RWDD4: variants seen among roughly 807,000 people sequenced by gnomAD.
RWDD4 encodes the protein RWD domain-containing protein 4.
In RWDD4, 16 loss-of-function variants were observed where a neutral mutation model predicts 30.0. The observed-to-expected ratio is 0.53, with a 90% confidence interval of 0.36 to 0.81. The LOEUF (loss-of-function observed/expected upper bound fraction) is 0.81. Among genes scored for constraint, RWDD4 ranks in the 30% least tolerant of loss-of-function variants. RWDD4 has a pLI of 0.00. For missense variants in RWDD4, 170 were observed against 223.9 expected (o/e 0.76, Z 1.54); for synonymous variants, 45 against 72.1 (o/e 0.62, Z 1.90).
At chr4:183,652,411 G>A (rs6839537) in intron 2 of RWDD4, among the ~76,000 whole-genome samples, 47,640 of 144,738 alleles carry the variant, frequency 0.33, 8,226 homozygotes, top group African/African-American at 0.42. Context: ...CCCAGGCTGG[G>A]GTCCAGCTGA....
intron 7 of RWDD4, among the ~76,000 whole-genome samples, chr4:183,645,111 C>T (rs569841408): frequency 6.6e-6 from 1 of 152,106 alleles, no homozygotes; most frequent in African/African-American, 2.4e-5. Flanking sequence ...AAAAACAAAA[C>T]AACAACAAAA....
At chr4:183,646,606 A>G in intron 5 of RWDD4, 69 bp from the exon 6 acceptor site, 1 of 1,356,078 alleles carries the variant, frequency 7.4e-7, no homozygotes, top group South Asian at 1.3e-5. Flanking sequence ...TTAAGATTTT[A>G]TATACTACTG....
chr4:183,646,597 T>A (rs955993940), intron 5 of RWDD4, 60 bp from the exon 6 acceptor site: 3 of 1,419,928 alleles, frequency 2.1e-6, no homozygotes, highest in Admixed American at 3.9e-5. Flanking sequence ...TTATAATAAT[T>A]AAGATTTTAT....
chr4:183,642,312 C>A (rs1228874320), intron 7 of RWDD4, among the ~76,000 whole-genome samples: 1 of 126,888 alleles, frequency 7.9e-6, no homozygotes, highest in South Asian at 2.5e-4. Flanking sequence ...GCCTCAGCCT[C>A]CCAAGTAGCT....
At chr4:183,645,310 A>G (rs1160985712) in intron 7 of RWDD4, among the ~76,000 whole-genome samples, 2 of 152,246 alleles carry the variant, frequency 1.3e-5, no homozygotes, top group East Asian at 1.9e-4. Context: ...TTAATTTACT[A>G]TGTTAAATAT....
At chr4:183,658,867 C>G (rs1734289888) in intron 1 of RWDD4, 62 bp downstream of exon 1, 1 of 1,219,910 alleles carries the variant, frequency 8.2e-7, no homozygotes, top group African/African-American at 1.6e-5. Context: ...CCAGGTCTCA[C>G]GGGGGCCCGG....
intron 7 of RWDD4, among the ~76,000 whole-genome samples, chr4:183,642,924 TG>T (rs1733888593): frequency 6.6e-6 from 1 of 150,382 alleles, no homozygotes. Flanking sequence ...CCGGGCATGG[TG>T]GTGGGTGCCT....
chr4:183,652,451 G>A (rs551280860), intron 2 of RWDD4, among the ~76,000 whole-genome samples: 16 of 149,532 alleles, frequency 1.1e-4, no homozygotes, highest in Non-Finnish European at 2.1e-4. Flanking sequence ...AGCTGAGATC[G>A]TGCCATTGCA....
Position 183,649,447 on chromosome 4 carries a change from A to G in RWDD4, c.481+4T>C. ...AAAAGAAAAGAAAAGAAACACACAC[A>G]AACCTGTTTTGTCTGCCAGCTTACG... On this transcript the variant is annotated splice_donor_region_variant and intron_variant, in intron 5 of 7. Coordinates refer to ENST00000326397, the MANE Select transcript of RWDD4 (RefSeq NM_152682.4). 6.4e-7 allele frequency: 1 copy of G among 1,569,924 alleles called. No homozygotes were observed. Among genetic ancestry groups the G allele is most frequent in the Non-Finnish European group, 8.7e-7 (1 of 1,148,094 alleles).
chr4:183,658,984 C>G lies in RWDD4; in HGVS notation c.-32G>C. 1.6e-6 allele frequency: 2 copies of G among 1,266,768 alleles called. No individual in the cohort carries two copies. Among genetic ancestry groups the G allele is most frequent in the Non-Finnish European group, 2.0e-6 (2 of 1,006,900 alleles). The allele number at this position is 1,266,768 out of a possible 1,614,324, so 78.5% of individuals were successfully genotyped here. ...GGTCGCGGGGCGCCTCCTGAGCGGA[C>G]GGCGTTCGCAACAACGAAGAGAAAG... On this transcript the variant is annotated 5_prime_UTR_variant, in exon 1 of 8. Coordinates refer to ENST00000326397, the MANE Select transcript of RWDD4 (RefSeq NM_152682.4).
rs895216293 is a variant in RWDD4 at position 183,659,097 on chromosome 4, G to A, written c.-145C>T. ...GTCTTGGCACTGGCAGACGCCAACT[G>A]CGCGCGCCCCGAGCCTCGGCAGCGC... On this transcript the variant is annotated 5_prime_UTR_variant, in exon 1 of 8. Transcript: ENST00000326397. The A allele has an allele frequency of 6.9e-6, 4 of 575,838 alleles. No individual in the cohort carries two copies. In the African/African-American group the frequency reaches 7.7e-5, roughly 11 times the overall value. 35.7% of individuals were successfully genotyped at this position (575,838 alleles called of 1,614,324 possible). A position where few individuals can be genotyped will look rare whatever the true frequency, so the allele number is the denominator to read the frequency against.
chr4:183,655,989 T>C, intron 1 of RWDD4, 28 bp from the exon 2 acceptor site: 1 of 1,447,650 alleles, frequency 6.9e-7, no homozygotes, highest in Non-Finnish European at 9.7e-7. Flanking sequence ...ATGAGTTTTG[T>C]TTAGTGGTAT....
chr4:183,641,416 C>G lies in RWDD4; in HGVS notation c.*20G>C. The G allele has an allele frequency of 6.3e-7, 1 of 1,589,306 alleles. No individual in the cohort carries two copies. The highest frequency in any genetic ancestry group is 1.1e-5 in the South Asian group (1 of 89,580). On this transcript the variant is annotated 3_prime_UTR_variant, in exon 8 of 8. Coordinates refer to ENST00000326397, the MANE Select transcript of RWDD4 (RefSeq NM_152682.4). ...TTTACTCTTTAAAGAATGCTCTTTC[C>G]TTGTCTCAAATTCCAAGTGCTACTC... is the stretch of plus-strand genomic sequence containing the variant.
At chr4:183,652,682 C>T (rs1047729479) in intron 2 of RWDD4, among the ~76,000 whole-genome samples, 2 of 151,692 alleles carry the variant, frequency 1.3e-5, no homozygotes, top group Non-Finnish European at 2.9e-5. Context: ...TGGTGGCATG[C>T]GCCTGTAGTC....
In RWDD4 at chr4:183,646,545, A is replaced by AT. The variant is rs1431123938; in HGVS notation, c.482-9dup. On this transcript the variant is annotated splice_polypyrimidine_tract_variant and intron_variant, in intron 5 of 7. Coordinates refer to ENST00000326397, the MANE Select transcript of RWDD4 (RefSeq NM_152682.4). Reference sequence around the variant, plus strand: ...GAAGTTCTCCTTTGTGATCTAGAAGATAAAAAATAGTAACTTTATTTCTAA... The same window carrying AT: ...GAAGTTCTCCTTTGTGATCTAGAAGATTAAAAAATAGTAACTTTATTTCTAA... The AT allele has an allele frequency of 6.2e-7, 1 of 1,607,462 alleles. No homozygotes were observed. The highest frequency in any genetic ancestry group is 8.5e-7 in the Non-Finnish European group (1 of 1,178,320).
At chr4:183,652,601 A>G (rs1252924343) in intron 2 of RWDD4, among the ~76,000 whole-genome samples, 1 of 152,058 alleles carries the variant, frequency 6.6e-6, no homozygotes, top group East Asian at 1.9e-4. Context: ...CATGAGGTCA[A>G]GAGATCGAGA....
At chr4:183,641,607 T>G (rs1188389024) in intron 7 of RWDD4, 139 bp from the exon 8 acceptor site, 1 of 688,300 alleles carries the variant, frequency 1.5e-6, no homozygotes, top group Non-Finnish European at 2.6e-6. Flanking sequence ...TGTAGCTACT[T>G]TTCAACTTCA....
chr4:183,651,083 T>C lies in RWDD4; in HGVS notation c.264A>G (p.Val88=), dbSNP rs759424834. The C allele has an allele frequency of 1.3e-5, 21 of 1,614,012 alleles. No homozygotes were observed. Among genetic ancestry groups the C allele is most frequent in the Non-Finnish European group, 1.6e-5 (19 of 1,180,006 alleles). Residue 88 remains valine (V), a synonymous_variant, in exon 4 of 8, where the codon GTA becomes GTG. Coordinates refer to ENST00000326397, the MANE Select transcript of RWDD4 (RefSeq NM_152682.4). The part of the protein sequence containing the change: ...QSILAKLQEA[V]EANLGTAMTY... ...TCATAGCGGTTCCAAGATTAGCTTCTACTGCTTCCTGTAGCTTGGCTAATA... is the reference window on the plus strand; with the variant it reads ...TCATAGCGGTTCCAAGATTAGCTTCCACTGCTTCCTGTAGCTTGGCTAATA...
chr4:183,655,457 A>C (rs1020623454), intron 2 of RWDD4, among the ~76,000 whole-genome samples: 3 of 150,798 alleles, frequency 2.0e-5, no homozygotes, highest in Admixed American at 2.0e-4. Context: ...AATTTTTTGT[A>C]TTTTTAGTAG....
Sources: gnomAD v4.1 joint callset for allele counts (sites outside exome capture counted in the v4.1 genomes callset) on GRCh38, gnomAD v4.1.1 for gene constraint, MANE v1.5 for transcripts, NCBI Gene and HGNC (gene_info 2026-07-23, HGNC 2026-07-21) for gene names.